Variants in ZNF778 observed in about 807,000 individuals in gnomAD.
The protein encoded by ZNF778 is zinc finger protein 778.
Under a neutral mutation model 23.9 loss-of-function variants are expected in ZNF778, and 37 were observed. The ratio of observed to expected loss-of-function variants is 1.54; its 90% confidence interval spans 1.19 to 2.03. The LOEUF is 2.03. ZNF778 is among the 30% of genes most tolerant of loss of function. The pLI is 0.00. For synonymous variants in ZNF778, 483 were observed against 343.9 expected (o/e 1.40, Z -4.48); for missense variants, 1,297 against 934.4 (o/e 1.39, Z -5.06).
rs1043876845 is a variant in ZNF778, at chr16:89,218,945, T to C, written c.-132+1035T>C. Among the ~76,000 whole-genome samples the C allele has an allele frequency of 3.3e-4, 50 of 152,004 alleles. 1 individual carries two copies. The Middle Eastern group carries it at 0.01, about 31-fold the overall frequency. On this transcript the variant is annotated intron_variant, in intron 1 of 6. Coordinates refer to ENST00000433976, the MANE Select transcript of ZNF778 (RefSeq NM_001201407.2). Reference sequence around the variant, plus strand: ...TAACATGGAGAAATCCCGTCTCTACTAAAAGTACAAAATTAGCCTTGCATG... The same window carrying C: ...TAACATGGAGAAATCCCGTCTCTACCAAAAGTACAAAATTAGCCTTGCATG...
chr16:89,236,285 G>C lies in ZNF778; in HGVS notation c.*7723G>C, dbSNP rs981137979. The C allele has an allele frequency of 2.6e-5, 4 of 152,194 alleles. No homozygotes were observed. The highest frequency in any genetic ancestry group is 4.4e-5 in the Non-Finnish European group (3 of 68,048). 9.4% of individuals were successfully genotyped at this position (152,194 alleles called of 1,614,324 possible). ...TGAGAAAGTGGACACAGTGCTTCCA[G>C]AAGAACAATTCAATTGACCGGGTTT... On this transcript the variant is annotated 3_prime_UTR_variant, in exon 7 of 7. Coordinates refer to ENST00000433976, the MANE Select transcript of ZNF778 (RefSeq NM_001201407.2).
Position 89,222,022 on chromosome 16 carries a change from C to T in ZNF778, c.26-70C>T. On this transcript the variant is annotated intron_variant, in intron 2 of 6. Coordinates refer to ENST00000433976, the MANE Select transcript of ZNF778 (RefSeq NM_001201407.2). ...ATTTCCTGCTAGGATGGAATGACTT[C>T]CGGGTCCATGAGTGTGGAATTAGGG... 2.7e-6 allele frequency: 3 copies of T among 1,119,390 alleles called. No individual in the cohort carries two copies. The Admixed American group carries it at 6.9e-5, about 26-fold the overall frequency. 69.3% of individuals were successfully genotyped at this position (1,119,390 alleles called of 1,614,324 possible).
rs770481012 is a variant in ZNF778 at position 89,227,807 on chromosome 16, T to C, written c.1519T>C (p.Cys507Arg). 1 of 1,614,040 alleles carries C rather than the reference T, an allele frequency of 6.2e-7. No individual in the cohort carries two copies. Among genetic ancestry groups the C allele is most frequent in the Admixed American group, 1.7e-5 (1 of 60,016 alleles). The part of the protein sequence containing the change: ...RIHTGEKPYE[C>R]KQCGKAFTGR... Reference sequence around the variant, plus strand: ...CCATACCGGAGAGAAACCCTACGAATGTAAGCAGTGTGGCAAAGCCTTCAC... The same window carrying C: ...CCATACCGGAGAGAAACCCTACGAACGTAAGCAGTGTGGCAAAGCCTTCAC... The change falls in exon 7 of 7, where the codon TGT (cysteine) becomes CGT (arginine). Residue 507 changes from cysteine to arginine, a missense_variant. Coordinates refer to ENST00000433976, the MANE Select transcript of ZNF778 (RefSeq NM_001201407.2).
chr16:89,225,233 A>G (rs1470369631), intron 5 of ZNF778, among the ~76,000 whole-genome samples: 1 of 146,728 alleles, frequency 6.8e-6, no homozygotes, highest in African/African-American at 2.5e-5. Flanking sequence ...CTTCTGCCTC[A>G]GCCTCCTGAG....
In ZNF778 at chr16:89,227,989, G is replaced by T. The variant is rs780287054; in HGVS notation, c.1701G>T (p.Arg567Ser). ...AGCCCTTTATATGTACGGTATGCAG[G>T]AAATCCTTCAGAAATTCCTCGTGCC... Reference protein sequence around the residue: ...EEKPFICTVCRKSFRNSSCLN... With the variant: ...EEKPFICTVCSKSFRNSSCLN... Residue 567 changes from arginine (R) to serine (S), a missense_variant, in exon 7 of 7, where the codon AGG becomes AGT. Coordinates refer to ENST00000433976, the MANE Select transcript of ZNF778 (RefSeq NM_001201407.2). 2 of 1,589,236 alleles carry T rather than the reference G, an allele frequency of 1.3e-6. No homozygotes were observed. Among genetic ancestry groups the T allele is most frequent in the Middle Eastern group, 1.7e-4 (1 of 5,996 alleles).
chr16:89,228,132 A>C lies in ZNF778; in HGVS notation c.1844A>C (p.Lys615Thr), dbSNP rs1459183274. Reference sequence around the variant, plus strand: ...CACATACGAACTCACACTGGAGAGAAACCTTATGAATGTAAAGTATGCGGA... The same window carrying C: ...CACATACGAACTCACACTGGAGAGACACCTTATGAATGTAAAGTATGCGGA... ...TEHIRTHTGE[K>T]PYECKVCGKA... Residue 615 changes from lysine to threonine, a missense_variant, in exon 7 of 7, where the codon AAA (lysine) becomes ACA (threonine). By Grantham distance (78) the Lys-to-Thr change is moderately conservative. Transcript: ENST00000433976. The C allele has an allele frequency of 1.2e-6, 2 of 1,613,304 alleles. No homozygotes were observed. The highest frequency in any genetic ancestry group is 2.7e-5 in the African/African-American group (2 of 74,910).
At position 89,227,548 on chromosome 16, in the gene ZNF778, C is replaced by G. The variant is rs372637293; in HGVS notation, c.1260C>G (p.Pro420=). Residue 420 remains proline, a synonymous_variant, in exon 7 of 7, where the codon CCC becomes CCG. Coordinates refer to ENST00000433976, the MANE Select transcript of ZNF778 (RefSeq NM_001201407.2). ...TTCGAATTCACACTGGAATAAAACC[C>G]TATACATGCAGCTACTGTGGGAAGG... The part of the protein sequence containing the change: ...NHVRIHTGIK[P]YTCSYCGKAF... 1.5e-5 allele frequency: 25 copies of G among 1,613,832 alleles called. No individual in the cohort carries two copies. Among genetic ancestry groups the G allele is most frequent in the African/African-American group, 9.4e-5 (7 of 74,854 alleles).
rs981774658 is a variant in ZNF778 at position 89,231,768 on chromosome 16, A to C, written c.*3206A>C. 1 of 152,172 alleles carries C rather than the reference A, an allele frequency of 6.6e-6. No homozygotes were observed. The highest frequency in any genetic ancestry group is 1.5e-5 in the Non-Finnish European group (1 of 68,040). The allele number at this position is 152,172 out of a possible 1,614,324, so 9.4% of individuals were successfully genotyped here. A position where few individuals can be genotyped will look rare whatever the true frequency, so the allele number is the denominator to read the frequency against. On this transcript the variant is annotated 3_prime_UTR_variant, in exon 7 of 7. Coordinates refer to ENST00000433976, the MANE Select transcript of ZNF778 (RefSeq NM_001201407.2). ...TTTCACCAGGAGGTGCCCGCCTCCTATCAGCCTCTGGGAAGGCCACTGTCT... is the reference window on the plus strand; with the variant it reads ...TTTCACCAGGAGGTGCCCGCCTCCTCTCAGCCTCTGGGAAGGCCACTGTCT...
Position 89,232,503 on chromosome 16 carries a change from A to T in ZNF778, c.*3941A>T, listed in dbSNP as rs907279153. 2 of 599,700 alleles carry T rather than the reference A, an allele frequency of 3.3e-6. No homozygotes were observed. The highest frequency in any genetic ancestry group is 2.5e-6 in the Non-Finnish European group (1 of 407,372). The allele number at this position is 599,700 out of a possible 1,614,324, so 37.1% of individuals were successfully genotyped here. Reference sequence around the variant, plus strand: ...AAGTACTGGTTAGGCAGATACCTGTATTTCTCTTCCTAACTCTCAGAACGT... The same window carrying T: ...AAGTACTGGTTAGGCAGATACCTGTTTTTCTCTTCCTAACTCTCAGAACGT... On this transcript the variant is annotated 3_prime_UTR_variant, in exon 7 of 7. Transcript: ENST00000433976.
chr16:89,233,531 C>G lies in ZNF778; in HGVS notation c.*4969C>G. On this transcript the variant is annotated 3_prime_UTR_variant, in exon 7 of 7. Coordinates refer to ENST00000433976, the MANE Select transcript of ZNF778 (RefSeq NM_001201407.2). ...CTCTGTGTATGCAACTCAACTCGCACTGCGTATGCAAATCAACTCACTGCA... is the reference window on the plus strand; with the variant it reads ...CTCTGTGTATGCAACTCAACTCGCAGTGCGTATGCAAATCAACTCACTGCA... 1 of 1,286,840 alleles carries G rather than the reference C, an allele frequency of 7.8e-7. No individual in the cohort carries two copies. The highest frequency in any genetic ancestry group is 1.0e-6 in the Non-Finnish European group (1 of 987,756). 79.7% of individuals were successfully genotyped at this position (1,286,840 alleles called of 1,614,324 possible).
Position 89,232,768 on chromosome 16 carries a change from A to G in ZNF778, c.*4206A>G, listed in dbSNP as rs527683270. 3.3e-5 allele frequency: 42 copies of G among 1,287,992 alleles called. No homozygotes were observed. Among genetic ancestry groups the G allele is most frequent in the African/African-American group, 2.9e-4 (19 of 65,398 alleles). 79.8% of individuals were successfully genotyped at this position (1,287,992 alleles called of 1,614,324 possible). ...CTTGCTGGAAACATGCACTGCATAT[A>G]CAAATCAACTCACTGCATATGCACA... On this transcript the variant is annotated 3_prime_UTR_variant, in exon 7 of 7. Coordinates refer to ENST00000433976, the MANE Select transcript of ZNF778 (RefSeq NM_001201407.2).
chr16:89,234,088 C>A lies in ZNF778; in HGVS notation c.*5526C>A. 6.9e-6 allele frequency: 4 copies of A among 578,682 alleles called. No individual in the cohort carries two copies. The highest frequency in any genetic ancestry group is 3.1e-4 in the Middle Eastern group (1 of 3,252). The allele number at this position is 578,682 out of a possible 1,614,324, so 35.8% of individuals were successfully genotyped here. A position where few individuals can be genotyped will look rare whatever the true frequency, so the allele number is the denominator to read the frequency against. On this transcript the variant is annotated 3_prime_UTR_variant, in exon 7 of 7. Transcript: ENST00000433976. Reference sequence around the variant, plus strand: ...CTCTGCAGCTCCCCTTGGGCCCTGCCTGGAGTGATGTGCCGCCTTCTCTTG... The same window carrying A: ...CTCTGCAGCTCCCCTTGGGCCCTGCATGGAGTGATGTGCCGCCTTCTCTTG...
chr16:89,232,747 C>T lies in ZNF778; in HGVS notation c.*4185C>T, dbSNP rs2031990954. On this transcript the variant is annotated 3_prime_UTR_variant, in exon 7 of 7. Coordinates refer to ENST00000433976, the MANE Select transcript of ZNF778 (RefSeq NM_001201407.2). Reference sequence around the variant, plus strand: ...ATTCCTAAAGATGGTAAACAACTTGCTGGAAACATGCACTGCATATACAAA... The same window carrying T: ...ATTCCTAAAGATGGTAAACAACTTGTTGGAAACATGCACTGCATATACAAA... The T allele has an allele frequency of 7.8e-7, 1 of 1,284,602 alleles. No individual in the cohort carries two copies. Among genetic ancestry groups the T allele is most frequent in the Non-Finnish European group, 1.0e-6 (1 of 985,132 alleles). The allele number at this position is 1,284,602 out of a possible 1,614,324, so 79.6% of individuals were successfully genotyped here.
chr16:89,224,069 T>C (rs1301603663), intron 4 of ZNF778, among the ~76,000 whole-genome samples: 1 of 150,774 alleles, frequency 6.6e-6, no homozygotes, highest in Non-Finnish European at 1.5e-5. Flanking sequence ...CCGAGCACTC[T>C]GGGAGGCTGG....
Position 89,227,361 on chromosome 16 carries a change from C to G in ZNF778, c.1073C>G (p.Thr358Arg), listed in dbSNP as rs146045503. ...GLSGLSKHVQ[T>R]DPGQKPYECK... is the part of the protein sequence containing the mutation. ...TCAGGTCTTTCTAAACACGTCCAAA[C>G]AGACCCTGGACAGAAGCCCTATGAA... Residue 358 changes from threonine (T) to arginine (R), a missense_variant, in exon 7 of 7, where the codon ACA (threonine) becomes AGA (arginine). Coordinates refer to ENST00000433976, the MANE Select transcript of ZNF778 (RefSeq NM_001201407.2). 462 of 1,613,968 alleles carry G rather than the reference C, an allele frequency of 2.9e-4. 2 individuals are homozygous for G. The East Asian group carries it at 0.01, about 35-fold the overall frequency.
rs556100622 is a variant in ZNF778 at position 89,221,061 on chromosome 16, C to T, written c.-67C>T. 4 of 1,539,640 alleles carry T rather than the reference C, an allele frequency of 2.6e-6. No homozygotes were observed. The African/African-American group carries it at 4.1e-5, about 16-fold the overall frequency. On this transcript the variant is annotated 5_prime_UTR_variant, in exon 2 of 7. Transcript: ENST00000433976. The stretch of plus-strand genomic sequence containing the variant: ...AGACTGTACCTTCCACATAGATTCA[C>T]AAGCTGCCCTGCAGTGGCCTTGGCT...
chr16:89,229,755 A>C lies in ZNF778; in HGVS notation c.*1193A>C, dbSNP rs1436568259. ...TGAGCAGCGTAGGCTCTGGTTGGTTAGTCTTGAGGATCCAGATGTGATTCT... is the reference window on the plus strand; with the variant it reads ...TGAGCAGCGTAGGCTCTGGTTGGTTCGTCTTGAGGATCCAGATGTGATTCT... On this transcript the variant is annotated 3_prime_UTR_variant, in exon 7 of 7. Coordinates refer to ENST00000433976, the MANE Select transcript of ZNF778 (RefSeq NM_001201407.2). 1 of 982,096 alleles carries C rather than the reference A, an allele frequency of 1.0e-6. No homozygotes were observed. The highest frequency in any genetic ancestry group is 1.8e-5 in the African/African-American group (1 of 55,734). The allele number at this position is 982,096 out of a possible 1,614,324, so 60.8% of individuals were successfully genotyped here.
intron 1 of ZNF778, 142 bp downstream of exon 1, chr16:89,218,052 G>C (rs1354899471): frequency 6.6e-6 from 1 of 152,254 alleles, no homozygotes; most frequent in Non-Finnish European, 1.5e-5. Flanking sequence ...AGCGCCCCGG[G>C]CGTGCAGCTC....
In ZNF778 at chr16:89,232,489, A is replaced by G; in HGVS notation, c.*3927A>G. ...ATGGGCAGGACTGCAAGTACTGGTT[A>G]GGCAGATACCTGTATTTCTCTTCCT... On this transcript the variant is annotated 3_prime_UTR_variant, in exon 7 of 7. Coordinates refer to ENST00000433976, the MANE Select transcript of ZNF778 (RefSeq NM_001201407.2). 1 of 494,938 alleles carries G rather than the reference A, an allele frequency of 2.0e-6. No individual in the cohort carries two copies. Among genetic ancestry groups the G allele is most frequent in the Non-Finnish European group, 3.2e-6 (1 of 312,554 alleles). The allele number at this position is 494,938 out of a possible 1,614,324, so 30.7% of individuals were successfully genotyped here.
Sources: gnomAD v4.1 joint callset for allele counts (sites outside exome capture counted in the v4.1 genomes callset) on GRCh38, gnomAD v4.1.1 for gene constraint, MANE v1.5 for transcripts, NCBI Gene and HGNC (gene_info 2026-07-23, HGNC 2026-07-21) for gene names.